Variants in GBE1 observed in about 807,000 individuals in gnomAD.
GBE1 encodes 1,4-alpha-glucan-branching enzyme.
In GBE1, 70 loss-of-function variants were observed where a neutral mutation model predicts 88.8. The ratio of observed to expected loss-of-function variants is 0.79; its 90% CI spans 0.65 to 0.96. The LOEUF (loss-of-function observed/expected upper bound fraction) is 0.96, where lower values mean the gene tolerates loss of function less well. GBE1 is among the 40% of genes least tolerant of loss of function. The pLI is 0.00. For synonymous variants in GBE1, 284 were observed against 300.1 expected (o/e 0.95, Z 0.56); for missense variants, 872 against 871.0 (o/e 1.00, Z -0.01).
chr3:81,665,061 CATA>C (rs1432442817), intron 3 of GBE1, among the ~76,000 whole-genome samples: 1 of 152,142 alleles, frequency 6.6e-6, no homozygotes, highest in Non-Finnish European at 1.5e-5. Context: ...AACAGTGTTT[CATA>C]ATAGTAATAC....
intron 7 of GBE1, among the ~76,000 whole-genome samples, chr3:81,611,708 G>C (rs1283418140): frequency 6.6e-6 from 1 of 152,166 alleles, no homozygotes; most frequent in Non-Finnish European, 1.5e-5. Context: ...TCCAAGTCTA[G>C]AGTCTGAATT....
intron 14 of GBE1, among the ~76,000 whole-genome samples, chr3:81,528,438 A>G (rs1368997970): frequency 2.0e-5 from 3 of 152,048 alleles, no homozygotes; most frequent in African/African-American, 7.2e-5. Flanking sequence ...TGAGCTGAGG[A>G]GAACTTGCCT....
chr3:81,616,053 A>T (rs541213475), intron 7 of GBE1, among the ~76,000 whole-genome samples: 9 of 152,188 alleles, frequency 5.9e-5, no homozygotes, highest in Non-Finnish European at 1.2e-4. Context: ...GGCCATCTAT[A>T]TATTCTGTTT....
chr3:81,494,814 C>T (rs930860069), intron 15 of GBE1, among the ~76,000 whole-genome samples: 7 of 152,144 alleles, frequency 4.6e-5, no homozygotes, highest in African/African-American at 1.7e-4. Flanking sequence ...ACTCACTAAC[C>T]ATGAGTGTGG....
chr3:81,592,400 C>A (rs1387769288), intron 8 of GBE1, among the ~76,000 whole-genome samples: 1 of 147,406 alleles, frequency 6.8e-6, no homozygotes, highest in Non-Finnish European at 1.5e-5. Flanking sequence ...ACTATGAGTC[C>A]AACCATTTTT....
At position 81,586,294 on chromosome 3, in the gene GBE1, T is replaced by G. The variant is rs576282743; in HGVS notation, c.1237-104A>C. The stretch of plus-strand genomic sequence containing the variant: ...AAACAATAATAGGGGAATATATTTT[T>G]GGGCTGCTTTGGTAACATAAAAGTC... On this transcript the variant is annotated intron_variant, in intron 9 of 15. Coordinates refer to ENST00000429644, the MANE Select transcript of GBE1 (RefSeq NM_000158.4). The G allele has an allele frequency of 1.4e-4, 100 of 698,674 alleles. No homozygotes were observed. The African/African-American group carries it at 1.6e-3, about 11-fold the overall frequency. 43.3% of individuals were successfully genotyped at this position (698,674 alleles called of 1,614,324 possible). A position where few individuals can be genotyped will look rare whatever the true frequency, so the allele number is the denominator to read the frequency against.
intron 7 of GBE1, among the ~76,000 whole-genome samples, chr3:81,616,112 G>A (rs1277745830): frequency 6.6e-6 from 1 of 152,110 alleles, no homozygotes; most frequent in Non-Finnish European, 1.5e-5. Context: ...ACACATTTAT[G>A]TATTGTGGAT....
chr3:81,603,071 T>C (rs755171621), intron 7 of GBE1, among the ~76,000 whole-genome samples: 7 of 152,086 alleles, frequency 4.6e-5, no homozygotes, highest in Admixed American at 2.0e-4. Flanking sequence ...ATATGGTCTC[T>C]TATTCTCTTT....
In GBE1 at chr3:81,507,286, C is replaced by T. The variant is rs556886517; in HGVS notation, c.1935-8059G>A. On this transcript the variant is annotated intron_variant, in intron 14 of 15. Transcript: ENST00000429644. Reference sequence around the variant, plus strand: ...TGTGGAATTAAACAGAGAACTTGCCCGGGCGCAGTGGCTCACGCCTGTAAT... The same window carrying T: ...TGTGGAATTAAACAGAGAACTTGCCTGGGCGCAGTGGCTCACGCCTGTAAT... 1.1e-4 allele frequency among the ~76,000 whole-genome samples: 17 copies of T among 151,862 alleles called. No individual in the cohort carries two copies. The East Asian group carries it at 1.9e-3, about 17-fold the overall frequency.
In GBE1 at chr3:81,761,613, C is replaced by A; in HGVS notation, c.-96G>T. 4.1e-6 allele frequency: 6 copies of A among 1,454,472 alleles called. No individual in the cohort carries two copies. Among genetic ancestry groups the A allele is most frequent in the Non-Finnish European group, 5.5e-6 (6 of 1,089,828 alleles). The allele number at this position is 1,454,472 out of a possible 1,614,324, so 90.1% of individuals were successfully genotyped here. A position where few individuals can be genotyped will look rare whatever the true frequency, so the allele number is the denominator to read the frequency against. The stretch of plus-strand genomic sequence containing the variant: ...CTGGGACGCGGCGGCTAGGGCGGAG[C>A]CGGAGGGCGCCTAGGCGTGTCGAGG... On this transcript the variant is annotated 5_prime_UTR_variant, in exon 1 of 16. Coordinates refer to ENST00000429644, the MANE Select transcript of GBE1 (RefSeq NM_000158.4).
intron 2 of GBE1, among the ~76,000 whole-genome samples, chr3:81,702,102 A>AGAGTGTGT (rs1468506890): frequency 8.7e-6 from 1 of 115,408 alleles, no homozygotes; most frequent in African/African-American, 2.9e-5. Context: ...AGAGAGAGAG[A>AGAGTGTGT]GTGTGTGTGT....
At chr3:81,529,626 C>A (rs139718704) in intron 14 of GBE1, among the ~76,000 whole-genome samples, 2 of 151,696 alleles carry the variant, frequency 1.3e-5, no homozygotes, top group Non-Finnish European at 2.9e-5. Flanking sequence ...ACTTTAAGTA[C>A]GCCATGCCAC....
intron 7 of GBE1, among the ~76,000 whole-genome samples, chr3:81,603,297 T>C (rs1209953990): frequency 6.6e-6 from 1 of 152,140 alleles, no homozygotes; most frequent in Non-Finnish European, 1.5e-5. Context: ...GAGAAAGTTA[T>C]GTCATACTTC....
chr3:81,672,260 C>T (rs1016862013), intron 2 of GBE1, among the ~76,000 whole-genome samples: 2 of 151,918 alleles, frequency 1.3e-5, no homozygotes, highest in Admixed American at 6.6e-5. Context: ...CAATTCAGCT[C>T]CTAGGAAATA....
At chr3:81,683,267 A>G (rs1477396469) in intron 2 of GBE1, among the ~76,000 whole-genome samples, 2 of 152,256 alleles carry the variant, frequency 1.3e-5, no homozygotes, top group African/African-American at 4.8e-5. Context: ...CTGTTAAAAA[A>G]TAAAACTTTT....
At chr3:81,742,931 A>T (rs543363375) in intron 1 of GBE1, among the ~76,000 whole-genome samples, 1 of 152,172 alleles carries the variant, frequency 6.6e-6, no homozygotes, top group East Asian at 1.9e-4. Flanking sequence ...GTTTCTAGGG[A>T]CCCTCCAACA....
intron 14 of GBE1, among the ~76,000 whole-genome samples, chr3:81,528,611 A>G (rs1345795610): frequency 1.3e-5 from 2 of 151,940 alleles, no homozygotes; most frequent in African/African-American, 4.8e-5. Context: ...ATTGAGGTGT[A>G]TCTCTCTCTT....
rs1704168510 is a variant in GBE1 at position 81,610,770 on chromosome 3, G to A, written c.993-16747C>T. Among the ~76,000 whole-genome samples, 3 of 152,104 alleles carry A rather than the reference G, an allele frequency of 2.0e-5. No homozygotes were observed. The South Asian group carries it at 6.2e-4, about 32-fold the overall frequency. ...GCACCGTGTTCCACAGTGGGTCAGA[G>A]GTGACCAGGGTGCTTTCAAGTTTAG... On this transcript the variant is annotated intron_variant, in intron 7 of 15. Transcript: ENST00000429644.
At chr3:81,521,864 C>T (rs1702878744) in intron 14 of GBE1, among the ~76,000 whole-genome samples, 1 of 151,206 alleles carries the variant, frequency 6.6e-6, no homozygotes, top group Non-Finnish European at 1.5e-5. Context: ...AAAGAAAAAC[C>T]CAAGATTTTT....
Sources: gnomAD v4.1 joint callset for allele counts (sites outside exome capture counted in the v4.1 genomes callset) on GRCh38, gnomAD v4.1.1 for gene constraint, MANE v1.5 for transcripts, NCBI Gene and HGNC (gene_info 2026-07-23, HGNC 2026-07-21) for gene names.